Variants in DCX observed in about 807,000 individuals in gnomAD.
The protein encoded by DCX is neuronal migration protein doublecortin.
A neutral mutation model predicts 20.9 loss-of-function variants in DCX; 4 were observed. The ratio of observed to expected loss-of-function variants is 0.19; its 90% CI spans 0.09 to 0.44. DCX has a LOEUF of 0.44. DCX is among the 20% of genes least tolerant of loss of function. The pLI is 0.99. For missense variants in DCX, 133 were observed against 296.9 expected (o/e 0.45, Z 4.06); for synonymous variants, 103 against 111.4 (o/e 0.92, Z 0.47).
At chrX:111,327,849 T>C (rs2095103035) in intron 5 of DCX, among the ~76,000 whole-genome samples, 1 of 112,395 alleles carries the variant, frequency 8.9e-6, no homozygotes, top group Non-Finnish European at 1.9e-5. Flanking sequence ...GAATGTTCAC[T>C]GAATGGATGC....
chrX:111,406,345 C>T lies in DCX; in HGVS notation c.364+3690G>A, dbSNP rs150309019. Among the ~76,000 whole-genome samples the T allele has an allele frequency of 8.1e-3, 905 of 112,026 alleles. 15 individuals are homozygous for T. In the East Asian group the frequency reaches 0.088, roughly 11 times the overall value. ...TTTGGAAACCACTGACCATTACAAT[C>T]CCTTACTAACATAATCATTGTCATA... On this transcript the variant is annotated intron_variant, in intron 2 of 6. Transcript: ENST00000636035.
chrX:111,330,204 G>A (rs911760507), intron 5 of DCX, among the ~76,000 whole-genome samples: 10 of 112,170 alleles, frequency 8.9e-5, no homozygotes, highest in Non-Finnish European at 1.7e-4. Context: ...TAATGGCATA[G>A]TTTATTTACA....
rs2095025770 is a variant in DCX, at chrX:111,298,192, G to A, written c.*3495C>T. The A allele has an allele frequency of 8.9e-6, 1 of 111,766 alleles. No homozygotes were observed. 9.2% of individuals were successfully genotyped at this position (111,766 alleles called of 1,213,427 possible). On this transcript the variant is annotated 3_prime_UTR_variant, in exon 7 of 7. Coordinates refer to ENST00000636035, the MANE Select transcript of DCX (RefSeq NM_001195553.2). The stretch of plus-strand genomic sequence containing the variant: ...TGAGATGACACAAGGTGAACTGATG[G>A]AGAAAATCAATCTTCCTCCATTCCA...
chrX:111,302,919 C>CA (rs1456794309), intron 6 of DCX, among the ~76,000 whole-genome samples: 1 of 111,590 alleles, frequency 9.0e-6, no homozygotes. Flanking sequence ...TACACACCTT[C>CA]ACAGCTTTTG....
chrX:111,345,022 C>G (rs1297787099), intron 3 of DCX, among the ~76,000 whole-genome samples: 2 of 111,903 alleles, frequency 1.8e-5, no homozygotes, highest in Non-Finnish European at 3.8e-5. Flanking sequence ...CAAAACAGCA[C>G]GTTACTGGTA....
chrX:111,339,815 G>T (rs1922063001), intron 3 of DCX, among the ~76,000 whole-genome samples: 2 of 111,429 alleles, frequency 1.8e-5, no homozygotes, highest in African/African-American at 6.5e-5. Context: ...CTTCCCTTCA[G>T]CTTTCCTTAT....
intron 4 of DCX, among the ~76,000 whole-genome samples, chrX:111,332,442 C>T (rs948640946): frequency 8.9e-6 from 1 of 111,919 alleles, no homozygotes; most frequent in African/African-American, 3.3e-5. Context: ...ATCAGCATCA[C>T]ATTCTACCCT....
chrX:111,397,417 C>G (rs1381320354), intron 3 of DCX, among the ~76,000 whole-genome samples: 1 of 111,502 alleles, frequency 9.0e-6, no homozygotes, highest in Non-Finnish European at 1.9e-5. Context: ...GTGACTTCAG[C>G]CTCCACAAAA....
chrX:111,402,412 C>G (rs747806149), intron 2 of DCX, among the ~76,000 whole-genome samples: 33 of 111,653 alleles, frequency 3.0e-4, no homozygotes, highest in Non-Finnish European at 5.8e-4. Context: ...TTGAGTAAAA[C>G]ACATTAGCCT....
intron 3 of DCX, among the ~76,000 whole-genome samples, chrX:111,336,807 A>G (rs1395120756): frequency 8.9e-6 from 1 of 112,416 alleles, no homozygotes; most frequent in Non-Finnish European, 1.9e-5. Flanking sequence ...GCATTAGAAC[A>G]TCTTACTGGA....
chrX:111,371,647 C>T (rs1201116028), intron 3 of DCX, among the ~76,000 whole-genome samples: 3 of 111,301 alleles, frequency 2.7e-5, no homozygotes, highest in East Asian at 5.6e-4. Flanking sequence ...AGGCACTAAA[C>T]CAGTTGTATG....
At chrX:111,356,720 A>G (rs1176348965) in intron 3 of DCX, among the ~76,000 whole-genome samples, 3 of 112,146 alleles carry the variant, frequency 2.7e-5, no homozygotes, top group African/African-American at 9.7e-5. Flanking sequence ...TTGAATGTGA[A>G]AGTTATAACA....
intron 4 of DCX, among the ~76,000 whole-genome samples, chrX:111,331,745 C>T (rs1921263963): frequency 1.8e-5 from 2 of 112,241 alleles, no homozygotes; most frequent in African/African-American, 6.5e-5. Flanking sequence ...CTTTGGAACA[C>T]CCTTTCTATG....
chrX:111,359,970 G>A (rs1189733874), intron 3 of DCX, among the ~76,000 whole-genome samples: 1 of 111,865 alleles, frequency 8.9e-6, no homozygotes, highest in African/African-American at 3.2e-5. Flanking sequence ...AATACCGTTT[G>A]ATCCAGTAAT....
intron 3 of DCX, among the ~76,000 whole-genome samples, chrX:111,382,488 CAT>C (rs1926049882): frequency 8.9e-6 from 1 of 112,133 alleles, no homozygotes; most frequent in South Asian, 3.7e-4. Context: ...CATACAGTCA[CAT>C]GTTATCCTTT....
At position 111,333,100 on chromosome X, in the gene DCX, A is replaced by T; in HGVS notation, c.759T>A (p.Gly253=). Residue 253 remains glycine (G), a synonymous_variant, in exon 4 of 7, where the codon GGT becomes GGA. Coordinates refer to ENST00000636035, the MANE Select transcript of DCX (RefSeq NM_001195553.2). The part of the protein sequence containing the change: ...FGDDDVFIAC[G]PEKFRYAQDD... ...CCTGAGCATAGCGAAATTTTTCAGG[A>T]CCACAGGCAATAAACACATCATCAT... 2.5e-6 allele frequency: 3 copies of T among 1,211,147 alleles called. No homozygotes were observed. Among genetic ancestry groups the T allele is most frequent in the East Asian group, 3.0e-5 (1 of 33,786 alleles).
At chrX:111,391,130 C>T (rs1380621873) in intron 3 of DCX, among the ~76,000 whole-genome samples, 9 of 110,846 alleles carry the variant, frequency 8.1e-5, no homozygotes, top group Admixed American at 4.8e-4. Context: ...ATTTTGGAGG[C>T]GGGACCTGGT....
intron 3 of DCX, among the ~76,000 whole-genome samples, chrX:111,370,334 A>G (rs953040717): frequency 5.4e-5 from 6 of 111,844 alleles, no homozygotes; most frequent in African/African-American, 1.6e-4. Context: ...CCATTGCTCA[A>G]TGAGTGGTCT....
intron 3 of DCX, among the ~76,000 whole-genome samples, chrX:111,386,909 C>T (rs1440320504): frequency 9.0e-6 from 1 of 110,990 alleles, no homozygotes; most frequent in Non-Finnish European, 1.9e-5. Flanking sequence ...GTCCACCGAG[C>T]CAGAAAAAAA....
Sources: allele counts gnomAD v4.1 joint callset (sites outside exome capture counted in the v4.1 genomes callset), GRCh38; gene constraint gnomAD v4.1.1; transcripts MANE v1.5; gene names NCBI Gene and HGNC (gene_info 2026-07-23, HGNC 2026-07-21).